ICA1L: variants seen among roughly 807,000 people sequenced by gnomAD.
ICA1L encodes the protein islet cell autoantigen 1-like protein.
ICA1L carries 50 observed loss-of-function variants against 61.3 expected under a neutral mutation model. That is an observed-to-expected ratio of 0.82 (90% CI 0.65 to 1.03). The LOEUF (loss-of-function observed/expected upper bound fraction) is 1.03. Ranked by LOEUF, ICA1L falls within the 50% of genes least tolerant of loss-of-function variation. ICA1L has a pLI of 0.00. For missense variants in ICA1L, 508 were observed against 556.7 expected (o/e 0.91, Z 0.88); for synonymous variants, 161 against 191.3 (o/e 0.84, Z 1.31).
intron 9 of ICA1L, 116 bp downstream of exon 9, chr2:202,811,630 C>A (rs1004192315): frequency 1.4e-6 from 1 of 721,094 alleles, no homozygotes; most frequent in Non-Finnish European, 2.3e-6. Context: ...CAACTGCACT[C>A]CAGCCTGGGG....
At chr2:202,835,215 C>CTTTT (rs544503963) in intron 1 of ICA1L, among the ~76,000 whole-genome samples, 48 of 120,620 alleles carry the variant, frequency 4.0e-4, no homozygotes, top group East Asian at 1.2e-3. Context: ...TGATTTCTTC[C>CTTTT]TTTTTTTTTT....
At chr2:202,815,862 C>T in intron 7 of ICA1L, 49 bp downstream of exon 7, 2 of 1,101,992 alleles carry the variant, frequency 1.8e-6, no homozygotes, top group Non-Finnish European at 2.5e-6. Flanking sequence ...TGTTATCACC[C>T]AAATGAAGAG....
intron 1 of ICA1L, among the ~76,000 whole-genome samples, chr2:202,841,938 C>G (rs561226371): frequency 2.6e-5 from 4 of 151,838 alleles, no homozygotes; most frequent in Admixed American, 2.6e-4. Flanking sequence ...GGCTCCTTAA[C>G]CTCCCAGGTT....
At chr2:202,820,236 G>A (rs1330204910) in intron 4 of ICA1L, among the ~76,000 whole-genome samples, 1 of 152,048 alleles carries the variant, frequency 6.6e-6, no homozygotes, top group African/African-American at 2.4e-5. Flanking sequence ...TTAGCCAGGT[G>A]TGATGGTGGG....
At chr2:202,820,518 G>T (rs560048198) in intron 4 of ICA1L, among the ~76,000 whole-genome samples, 1 of 152,188 alleles carries the variant, frequency 6.6e-6, no homozygotes, top group Non-Finnish European at 1.5e-5. Context: ...GGGGAACAGA[G>T]AACCTGCATT....
In ICA1L at chr2:202,849,660, C is replaced by T. The variant is rs1189457491; in HGVS notation, c.-7-20644G>A. 2.0e-5 allele frequency among the ~76,000 whole-genome samples: 3 copies of T among 152,198 alleles called. No homozygotes were observed. The highest frequency in any genetic ancestry group is 2.0e-4 in the Admixed American group (3 of 15,280). ...GGTTTTTAGATAAAACTCCCATCTCCCTAGGACAGAGCACCTGGGGGAAGG... is the reference window on the plus strand; with the variant it reads ...GGTTTTTAGATAAAACTCCCATCTCTCTAGGACAGAGCACCTGGGGGAAGG... On this transcript the variant is annotated intron_variant, in intron 1 of 12. Coordinates refer to ENST00000358299, the MANE Select transcript of ICA1L (RefSeq NM_001288622.3). This position sits in a 1 kb window ranked among gnomAD's most constrained non-coding sequence, Gnocchi z 4.5.
At chr2:202,792,896 G>C (rs761922769) in intron 10 of ICA1L, among the ~76,000 whole-genome samples, 2 of 152,144 alleles carry the variant, frequency 1.3e-5, no homozygotes, top group Non-Finnish European at 2.9e-5. Flanking sequence ...CAGAAATAAA[G>C]GACTACCTTT....
At chr2:202,833,797 AT>A (rs1694075419) in intron 1 of ICA1L, among the ~76,000 whole-genome samples, 1 of 152,208 alleles carries the variant, frequency 6.6e-6, no homozygotes, top group Admixed American at 6.5e-5. Flanking sequence ...AAATCCTGTC[AT>A]TTGTGACAAC....
chr2:202,864,217 G>A (rs963381831), intron 1 of ICA1L, among the ~76,000 whole-genome samples: 3 of 151,892 alleles, frequency 2.0e-5, no homozygotes, highest in African/African-American at 7.3e-5. Flanking sequence ...AAACCAAACA[G>A]ACATTACAAG....
Position 202,774,224 on chromosome 2 carries a change from G to C in ICA1L, c.*5309C>G, listed in dbSNP as rs2105807233. ...CAGCAGCGCCGGATCGAAGGCGCGGGGCGGCTCCTGAGTCTTCTCGCTCCT... is the reference window on the plus strand; with the variant it reads ...CAGCAGCGCCGGATCGAAGGCGCGGCGCGGCTCCTGAGTCTTCTCGCTCCT... On this transcript the variant is annotated 3_prime_UTR_variant, in exon 13 of 13. Transcript: ENST00000358299. 6.5e-7 allele frequency: 1 copy of C among 1,550,052 alleles called. No homozygotes were observed. Among genetic ancestry groups the C allele is most frequent in the East Asian group, 2.4e-5 (1 of 40,918 alleles).
chr2:202,819,925 AG>A, intron 4 of ICA1L, 26 bp from the exon 5 acceptor site: 1 of 1,544,272 alleles, frequency 6.5e-7, no homozygotes, highest in Non-Finnish European at 8.9e-7. Context: ...TAAAAATCAG[AG>A]GGTTGAACAC....
At position 202,775,366 on chromosome 2, in the gene ICA1L, T is replaced by A. The variant is rs2105808384; in HGVS notation, c.*4167A>T. 6.6e-6 allele frequency: 1 copy of A among 152,354 alleles called. No homozygotes were observed. Among genetic ancestry groups the A allele is most frequent in the Admixed American group, 6.5e-5 (1 of 15,308 alleles). The allele number at this position is 152,354 out of a possible 1,614,324, so 9.4% of individuals were successfully genotyped here. On this transcript the variant is annotated 3_prime_UTR_variant, in exon 13 of 13. Transcript: ENST00000358299. ...CCTGCCTTCAATAAGTCAGGTTACA[T>A]ACTATGGCTTATATTTAATTGTTTG...
At chr2:202,811,640 G>A (rs1374083429) in intron 9 of ICA1L, 106 bp downstream of exon 9, 7 of 775,274 alleles carry the variant, frequency 9.0e-6, no homozygotes, top group Non-Finnish European at 1.3e-5. Flanking sequence ...CCAGCCTGGG[G>A]GACAGAGCAA....
At chr2:202,797,933 C>T (rs1056933941) in intron 9 of ICA1L, among the ~76,000 whole-genome samples, 2 of 152,126 alleles carry the variant, frequency 1.3e-5, no homozygotes, top group African/African-American at 4.8e-5. Context: ...ATCCTTTGGC[C>T]ATCCCCCCAG....
At position 202,798,108 on chromosome 2, in the gene ICA1L, C is replaced by T. The variant is rs530968629; in HGVS notation, c.911-1144G>A. On this transcript the variant is annotated intron_variant, in intron 9 of 12. Transcript: ENST00000358299. ...CATTTAGTCACAAATGACAGGATTT[C>T]CTTCTTTTTGAAGGCTGAATAGTAT... Among the ~76,000 whole-genome samples the T allele has an allele frequency of 8.5e-5, 13 of 152,252 alleles. No homozygotes were observed. The South Asian group carries it at 2.7e-3, about 32-fold the overall frequency.
intron 4 of ICA1L, 117 bp from the exon 5 acceptor site, chr2:202,820,016 T>A: frequency 1.3e-6 from 1 of 746,380 alleles, no homozygotes; most frequent in Non-Finnish European, 2.2e-6. Flanking sequence ...AGTAAAAAAT[T>A]ATTCAGTTCC....
At chr2:202,842,915 CTGTTAA>C (rs1334192184) in intron 1 of ICA1L, among the ~76,000 whole-genome samples, 1 of 152,122 alleles carries the variant, frequency 6.6e-6, no homozygotes, top group Non-Finnish European at 1.5e-5. Context: ...ATCAAGTCTG[CTGTTAA>C]TGCTCTCTAC....
intron 12 of ICA1L, among the ~76,000 whole-genome samples, chr2:202,782,762 T>TC (rs899368688): frequency 2.6e-5 from 4 of 152,048 alleles, no homozygotes; most frequent in African/African-American, 7.2e-5. Flanking sequence ...GTTTTTTTTT[T>TC]CCCCCTAAAT....
chr2:202,862,422 T>C (rs1327148335), intron 1 of ICA1L, among the ~76,000 whole-genome samples: 1 of 151,870 alleles, frequency 6.6e-6, no homozygotes, highest in Non-Finnish European at 1.5e-5. Flanking sequence ...CATGCCACCG[T>C]GCTCCAGGCT....
Sources: allele counts gnomAD v4.1 joint callset (sites outside exome capture counted in the v4.1 genomes callset), GRCh38; gene constraint gnomAD v4.1.1; non-coding constraint Gnocchi (gnomAD v3.1); transcripts MANE v1.5; gene names NCBI Gene and HGNC (gene_info 2026-07-23, HGNC 2026-07-21).